Variants in BMPR1B observed in about 807,000 individuals in gnomAD.
The protein encoded by BMPR1B is bone morphogenetic protein receptor type-1B.
Under a neutral mutation model 59.1 loss-of-function variants are expected in BMPR1B, and 12 were observed. That is an observed-to-expected ratio of 0.20 (90% CI 0.13 to 0.33). BMPR1B has a LOEUF of 0.33. BMPR1B is among the 10% of genes least tolerant of loss of function. The pLI is 1.00. For missense variants in BMPR1B, 550 were observed against 610.9 expected (o/e 0.90, Z 1.05); for synonymous variants, 237 against 207.3 (o/e 1.14, Z -1.23).
intron 2 of BMPR1B, among the ~76,000 whole-genome samples, chr4:94,902,728 A>G (rs150328006): frequency 6.6e-6 from 1 of 152,142 alleles, no homozygotes; most frequent in East Asian, 1.9e-4. Flanking sequence ...AATATATTAA[A>G]TTTAAAATTA....
At chr4:95,150,204 A>G (rs764620265) in intron 11 of BMPR1B, among the ~76,000 whole-genome samples, 2 of 152,218 alleles carry the variant, frequency 1.3e-5, no homozygotes, top group Non-Finnish European at 2.9e-5. Flanking sequence ...TATTTTGTGC[A>G]AAAGGAAAGT....
At chr4:95,093,562 GTTGTCTGTTGAC>G (rs1730154446) in intron 3 of BMPR1B, among the ~76,000 whole-genome samples, 1 of 151,812 alleles carries the variant, frequency 6.6e-6, no homozygotes, top group South Asian at 2.1e-4. Flanking sequence ...ATAGTCTGGT[GTTGTCTGTTGAC>G]TTGTATGTCA....
intron 1 of BMPR1B, among the ~76,000 whole-genome samples, chr4:94,765,586 C>T (rs1721939634): frequency 6.6e-6 from 1 of 152,092 alleles, no homozygotes; most frequent in African/African-American, 2.4e-5. Context: ...AATTAAATGA[C>T]AACAGAGAGG....
intron 4 of BMPR1B, among the ~76,000 whole-genome samples, chr4:95,106,756 CTGTT>C (rs893146755): frequency 4.0e-5 from 6 of 151,884 alleles, no homozygotes; most frequent in Non-Finnish European, 7.4e-5. Flanking sequence ...GCATTAGTCA[CTGTT>C]TGCGGTGAAA....
At chr4:94,979,211 A>C (rs1214512165) in intron 2 of BMPR1B, among the ~76,000 whole-genome samples, 1 of 152,176 alleles carries the variant, frequency 6.6e-6, no homozygotes, top group South Asian at 2.1e-4. Flanking sequence ...CAGCCAAACC[A>C]TATCACCATC....
intron 3 of BMPR1B, 146 bp from the exon 4 acceptor site, chr4:95,104,262 A>T (rs1052459509): frequency 2.1e-6 from 2 of 974,120 alleles, no homozygotes; most frequent in East Asian, 5.2e-5. Flanking sequence ...GATTTTAATC[A>T]AAATACCAAA....
chr4:95,017,914 A>G (rs1723697741), intron 3 of BMPR1B, among the ~76,000 whole-genome samples: 1 of 152,228 alleles, frequency 6.6e-6, no homozygotes, highest in Admixed American at 6.5e-5. Context: ...CATCAAAAAG[A>G]AAATACTGTT....
chr4:94,867,912 T>C (rs947412993), intron 1 of BMPR1B, among the ~76,000 whole-genome samples: 2 of 152,080 alleles, frequency 1.3e-5, no homozygotes, highest in Non-Finnish European at 2.9e-5. Flanking sequence ...AATGCAGTGG[T>C]GCAGTCACAA....
intron 1 of BMPR1B, among the ~76,000 whole-genome samples, chr4:94,858,171 C>T (rs1423229631): frequency 2.0e-5 from 3 of 151,972 alleles, no homozygotes; most frequent in Non-Finnish European, 4.4e-5. Context: ...AGGATGGTCT[C>T]GATCTCCTGA....
intron 1 of BMPR1B, among the ~76,000 whole-genome samples, chr4:94,854,748 T>C (rs1725693791): frequency 6.6e-6 from 1 of 152,110 alleles, no homozygotes; most frequent in Non-Finnish European, 1.5e-5. Flanking sequence ...TCTTGGCCCA[T>C]GAAAAGAAAG....
intron 5 of BMPR1B, 49 bp downstream of exon 5, chr4:95,114,871 A>G (rs1356121103): frequency 4.0e-6 from 6 of 1,507,450 alleles, no homozygotes; most frequent in African/African-American, 2.8e-5. Context: ...TAGATTTCCA[A>G]CAAGTTTCAA....
At chr4:94,770,186 G>GTTTT (rs56902521) in intron 1 of BMPR1B, among the ~76,000 whole-genome samples, 2 of 54,136 alleles carry the variant, frequency 3.7e-5, no homozygotes, top group African/African-American at 6.3e-5. Context: ...TTCTGTGTTT[G>GTTTT]TTTTTTTTTT....
chr4:95,030,904 A>G (rs923151433), intron 3 of BMPR1B, among the ~76,000 whole-genome samples: 1 of 152,208 alleles, frequency 6.6e-6, no homozygotes, highest in Non-Finnish European at 1.5e-5. Context: ...TTCCATGCTC[A>G]TGGGTAGGAA....
intron 1 of BMPR1B, among the ~76,000 whole-genome samples, chr4:94,846,913 C>G (rs1430864905): frequency 6.6e-6 from 1 of 151,682 alleles, no homozygotes; most frequent in East Asian, 1.9e-4. Context: ...GAGTAATACT[C>G]CACAGGCACA....
chr4:94,898,388 A>G (rs1461559828), intron 2 of BMPR1B, among the ~76,000 whole-genome samples: 2 of 152,074 alleles, frequency 1.3e-5, no homozygotes, highest in Non-Finnish European at 2.9e-5. Flanking sequence ...TGTAGTTCCC[A>G]TAATCGTCAC....
chr4:95,156,623 AAGAC>A lies in BMPR1B; in HGVS notation c.*1954_*1957del, dbSNP rs1290036634. On this transcript the variant is annotated 3_prime_UTR_variant, in exon 13 of 13. Transcript: ENST00000515059. The stretch of plus-strand genomic sequence containing the variant: ...TCATAGCTGCATTTTGTTTGTAACT[AAGAC>A]AGAAGAATTTCGTAATCCTTGAAAT... The A allele has an allele frequency of 1.3e-5, 2 of 152,090 alleles. No individual in the cohort carries two copies. The highest frequency in any genetic ancestry group is 4.8e-5 in the African/African-American group (2 of 41,416). The allele number at this position is 152,090 out of a possible 1,614,324, so 9.4% of individuals were successfully genotyped here.
chr4:94,832,938 C>T (rs1484624088), intron 1 of BMPR1B, among the ~76,000 whole-genome samples: 8 of 152,012 alleles, frequency 5.3e-5, no homozygotes, highest in Admixed American at 4.6e-4. Context: ...AGGCCGGGAA[C>T]GGTGGCCCAT....
Position 95,156,080 on chromosome 4 carries a change from G to T in BMPR1B, c.*1407G>T, listed in dbSNP as rs1235654408. 1 of 151,894 alleles carries T rather than the reference G, an allele frequency of 6.6e-6. No individual in the cohort carries two copies. Among genetic ancestry groups the T allele is most frequent in the African/African-American group, 2.4e-5 (1 of 41,338 alleles). 9.4% of individuals were successfully genotyped at this position (151,894 alleles called of 1,614,324 possible). ...AATTTATTATATTTTCTCTTCTGTG[G>T]CACTTATACAAAATATCTCTTCACC... On this transcript the variant is annotated 3_prime_UTR_variant, in exon 13 of 13. Coordinates refer to ENST00000515059, the MANE Select transcript of BMPR1B (RefSeq NM_001203.3).
intron 3 of BMPR1B, among the ~76,000 whole-genome samples, chr4:95,003,035 T>A (rs184508688): frequency 6.6e-6 from 1 of 152,202 alleles, no homozygotes; most frequent in Admixed American, 6.5e-5. Context: ...TAAATATCTA[T>A]TAGTTGCAAC....
Sources: gnomAD v4.1 joint callset for allele counts (sites outside exome capture counted in the v4.1 genomes callset) on GRCh38, gnomAD v4.1.1 for gene constraint, MANE v1.5 for transcripts, NCBI Gene and HGNC (gene_info 2026-07-23, HGNC 2026-07-21) for gene names.